Variants in HMCES observed in about 807,000 individuals in gnomAD.
HMCES encodes the protein 5-hydroxymethylcytosine binding, ES cell specific, also known as abasic site processing protein HMCES.
A neutral mutation model predicts 35.1 loss-of-function variants in HMCES; 27 were observed. The observed-to-expected ratio is 0.77, with a 90% CI of 0.57 to 1.06. HMCES has a LOEUF of 1.06. Among genes scored for constraint, HMCES ranks in the 50% least tolerant of loss-of-function variants. The pLI, the probability that HMCES is intolerant of heterozygous loss-of-function variation, is 0.00. For missense variants in HMCES, 391 were observed against 430.4 expected (o/e 0.91, Z 0.81); for synonymous variants, 130 against 154.7 (o/e 0.84, Z 1.18).
At chr3:129,294,144 C>T (rs188500608) in intron 4 of HMCES, among the ~76,000 whole-genome samples, 17 of 152,138 alleles carry the variant, frequency 1.1e-4, no homozygotes, top group African/African-American at 3.9e-4. Context: ...TTAGGCCGGG[C>T]GCAGTGGCTT....
chr3:129,290,487 T>A, intron 3 of HMCES, among the ~76,000 whole-genome samples, 192 bp from the exon 4 acceptor site: 1 of 152,080 alleles, frequency 6.6e-6, no homozygotes, highest in Non-Finnish European at 1.5e-5. Context: ...TTTCACCTTG[T>A]TAGCCAGGCT....
Position 129,283,518 on chromosome 3 carries a change from G to A in HMCES, c.183+3603G>A, listed in dbSNP as rs145600188. Among the ~76,000 whole-genome samples, 1,008 of 151,890 alleles carry A rather than the reference G, an allele frequency of 6.6e-3. 6 individuals are homozygous for A. Among genetic ancestry groups the A allele is most frequent in the Non-Finnish European group, 0.011 (768 of 67,954 alleles). On this transcript the variant is annotated intron_variant, in intron 2 of 6. Transcript: ENST00000383463. ...TTGAGGGGGAAGTTCTCACTGTGTT[G>A]CTCAAACTGGTCTCAAGACTCTTGA...
intron 2 of HMCES, among the ~76,000 whole-genome samples, chr3:129,282,005 C>T (rs1247206703): frequency 1.3e-5 from 2 of 150,566 alleles, no homozygotes; most frequent in Non-Finnish European, 3.0e-5. Context: ...ATTTTTGTGT[C>T]ATTTTTAGAG....
chr3:129,279,716 A>C lies in HMCES; in HGVS notation c.-17A>C. ...TACGTTTTGTAATTTAAAGGTTGCG[A>C]GGGGCGGTGTTGAAGAATGTGTGGG... On this transcript the variant is annotated 5_prime_UTR_variant, in exon 2 of 7. Coordinates refer to ENST00000383463, the MANE Select transcript of HMCES (RefSeq NM_020187.3). This position sits in a 1 kb window ranked among gnomAD's most constrained non-coding sequence, Gnocchi z 4.2. The C allele has an allele frequency of 3.7e-6, 6 of 1,611,966 alleles. No homozygotes were observed. The highest frequency in any genetic ancestry group is 5.1e-6 in the Non-Finnish European group (6 of 1,179,174).
intron 2 of HMCES, among the ~76,000 whole-genome samples, chr3:129,288,320 A>G (rs1367492001): frequency 6.6e-6 from 1 of 152,058 alleles, no homozygotes; most frequent in East Asian, 1.9e-4. Context: ...GCATCCCTCT[A>G]CCTTATTCAA....
intron 4 of HMCES, among the ~76,000 whole-genome samples, chr3:129,293,658 C>T (rs919451517): frequency 6.7e-6 from 1 of 149,802 alleles, no homozygotes; most frequent in Non-Finnish European, 1.5e-5. Flanking sequence ...GCAACCTCCA[C>T]CTCCTGGGTT....
chr3:129,298,601 GTAGCTT>G, intron 5 of HMCES, 66 bp downstream of exon 5: 8 of 1,437,004 alleles, frequency 5.6e-6, no homozygotes, highest in Non-Finnish European at 7.7e-6. Context: ...CTGCTTTTAG[GTAGCTT>G]TAGAGAGTAG....
chr3:129,280,619 G>A (rs976437550), intron 2 of HMCES, among the ~76,000 whole-genome samples: 1 of 152,172 alleles, frequency 6.6e-6, no homozygotes, highest in Non-Finnish European at 1.5e-5. Context: ...CACTTCTGAT[G>A]TTTCTTGAGC....
intron 2 of HMCES, among the ~76,000 whole-genome samples, chr3:129,282,662 C>G (rs1940530450): frequency 6.6e-6 from 1 of 152,130 alleles, no homozygotes; most frequent in Non-Finnish European, 1.5e-5. Context: ...TTTCTCAGAC[C>G]TATAAATTAT....
At chr3:129,288,675 G>T (rs1940708107) in intron 2 of HMCES, among the ~76,000 whole-genome samples, 179 bp from the exon 3 acceptor site, 1 of 152,114 alleles carries the variant, frequency 6.6e-6, no homozygotes, top group East Asian at 1.9e-4. Flanking sequence ...CAGCCTGGAT[G>T]ACAGAGCCAG....
chr3:129,294,233 A>G (rs2071063963), intron 4 of HMCES, among the ~76,000 whole-genome samples: 3 of 152,034 alleles, frequency 2.0e-5, no homozygotes, highest in South Asian at 2.1e-4. Flanking sequence ...CGTGGCTAAC[A>G]GTAGAGAAAC....
chr3:129,282,271 G>A lies in HMCES; in HGVS notation c.183+2356G>A, dbSNP rs943740978. Among the ~76,000 whole-genome samples the A allele has an allele frequency of 2.2e-4, 30 of 138,798 alleles. 5 individuals carry two copies. The highest frequency in any genetic ancestry group is 1.0e-3 in the Admixed American group (14 of 13,918). The allele number at this position is 138,798 out of a possible 152,430, so 91.1% of individuals were successfully genotyped here. A position where few individuals can be genotyped will look rare whatever the true frequency, so the allele number is the denominator to read the frequency against. ...GGCCAGGATTTCAGGACACCAGCCT[G>A]AGCAAATGAGACCCTGTTTTTAACA... On this transcript the variant is annotated intron_variant, in intron 2 of 6. Coordinates refer to ENST00000383463, the MANE Select transcript of HMCES (RefSeq NM_020187.3).
At position 129,298,400 on chromosome 3, in the gene HMCES, T is replaced by G. The variant is rs1056470823; in HGVS notation, c.500T>G (p.Val167Gly). The change falls in exon 5 of 7, where the codon GTC becomes GGC. Residue 167 changes from valine to glycine, a missense_variant. By Grantham distance (109) the Val-to-Gly change is moderately radical. Coordinates refer to ENST00000383463, the MANE Select transcript of HMCES (RefSeq NM_020187.3). ...GATAGTCCTGAGAACTGGGAGAAAGTCTGGGACAACTGGAGGCTGCTGACA... is the reference window on the plus strand; with the variant it reads ...GATAGTCCTGAGAACTGGGAGAAAGGCTGGGACAACTGGAGGCTGCTGACA... Reference protein sequence around the residue: ...AADSPENWEKVWDNWRLLTMA... With the variant: ...AADSPENWEKGWDNWRLLTMA... 6.2e-7 allele frequency: 1 copy of G among 1,614,156 alleles called. No individual in the cohort carries two copies. Among genetic ancestry groups the G allele is most frequent in the Non-Finnish European group, 8.5e-7 (1 of 1,180,024 alleles).
At chr3:129,295,823 G>A (rs1008339137) in intron 4 of HMCES, among the ~76,000 whole-genome samples, 1 of 152,124 alleles carries the variant, frequency 6.6e-6, no homozygotes, top group African/African-American at 2.4e-5. Context: ...AATACATTGT[G>A]TGTATGTGTT....
intron 4 of HMCES, among the ~76,000 whole-genome samples, chr3:129,294,889 G>A (rs758990266): frequency 2.0e-5 from 3 of 152,060 alleles, no homozygotes; most frequent in African/African-American, 4.8e-5. Flanking sequence ...CGGGCACAGT[G>A]GCTCATGCCT....
At chr3:129,300,366 C>T (rs1311400020) in intron 5 of HMCES, among the ~76,000 whole-genome samples, 1 of 152,096 alleles carries the variant, frequency 6.6e-6, no homozygotes, top group Non-Finnish European at 1.5e-5. Context: ...CATAAGCAAA[C>T]ACAAAATTTG....
At chr3:129,282,053 G>T (rs1274721320) in intron 2 of HMCES, among the ~76,000 whole-genome samples, 1 of 151,954 alleles carries the variant, frequency 6.6e-6, no homozygotes, top group African/African-American at 2.4e-5. Context: ...TGTTTTAAAT[G>T]AGAGGGGAAT....
chr3:129,280,457 C>T (rs993541695), intron 2 of HMCES, among the ~76,000 whole-genome samples: 3 of 152,140 alleles, frequency 2.0e-5, no homozygotes, highest in Admixed American at 2.0e-4. Context: ...GGTTGTACCA[C>T]TGCACTCCCA....
intron 4 of HMCES, among the ~76,000 whole-genome samples, chr3:129,293,105 C>T (rs2071044743): frequency 6.6e-6 from 1 of 152,168 alleles, no homozygotes; most frequent in Non-Finnish European, 1.5e-5. Context: ...CCAATTCAGC[C>T]AGTTTTGTTA....
Sources: gnomAD v4.1 joint callset for allele counts (sites outside exome capture counted in the v4.1 genomes callset) on GRCh38, gnomAD v4.1.1 for gene constraint, Gnocchi (gnomAD v3.1) non-coding constraint, MANE v1.5 for transcripts, NCBI Gene and HGNC (gene_info 2026-07-23, HGNC 2026-07-21) for gene names.